POLD3: variants seen among roughly 807,000 people sequenced by gnomAD.
POLD3 encodes DNA polymerase delta 3, accessory subunit.
In POLD3, 19 loss-of-function variants were observed where a neutral mutation model predicts 58.2. The ratio of observed to expected loss-of-function variants is 0.33; its 90% CI spans 0.23 to 0.48. The LOEUF (loss-of-function observed/expected upper bound fraction) is 0.48. Ranked by LOEUF, POLD3 falls within the 20% of genes least tolerant of loss-of-function variation. POLD3 has a pLI of 0.99. For missense variants in POLD3, 504 were observed against 545.5 expected, an observed-to-expected ratio of 0.92 and a Z score of 0.76; for synonymous variants, 172 against 193.5, an observed-to-expected ratio of 0.89 and a Z score of 0.92.
chr11:74,666,948 T>G (rs2033276267), intron 4 of POLD3, among the ~76,000 whole-genome samples: 1 of 129,892 alleles, frequency 7.7e-6, no homozygotes, highest in African/African-American at 2.8e-5. Context: ...GCAATTGATG[T>G]TTAAAGTTGC....
intron 4 of POLD3, among the ~76,000 whole-genome samples, chr11:74,664,018 C>T (rs924728197): frequency 6.6e-6 from 1 of 152,060 alleles, no homozygotes; most frequent in African/African-American, 2.4e-5. Context: ...ATACCAATGG[C>T]CAATAAGCAC....
chr11:74,604,341 T>C (rs1325315948), intron 2 of POLD3, among the ~76,000 whole-genome samples: 1 of 152,212 alleles, frequency 6.6e-6, no homozygotes, highest in Admixed American at 6.5e-5. Context: ...AATTAACTTA[T>C]CCAGAGCTTA....
At position 74,640,832 on chromosome 11, in the gene POLD3, CACTT is replaced by C; in HGVS notation, c.*70_*73del. ...GGAGAAGACCAAGAAATGTACTCCT[CACTT>C]ACTATGTAAGTTCATCTAGATCTCC... On this transcript the variant is annotated 3_prime_UTR_variant, in exon 12 of 12. Transcript: ENST00000263681. The C allele has an allele frequency of 4.2e-6, 6 of 1,417,392 alleles. No homozygotes were observed. Among genetic ancestry groups the C allele is most frequent in the Non-Finnish European group, 5.5e-6 (6 of 1,082,156 alleles). 87.8% of individuals were successfully genotyped at this position (1,417,392 alleles called of 1,614,324 possible).
rs186594080 is a variant in POLD3, at chr11:74,600,974, C to T, written c.117-3718C>T. 1.6e-3 allele frequency among the ~76,000 whole-genome samples: 245 copies of T among 152,192 alleles called. 2 individuals carry two copies. The highest frequency in any genetic ancestry group is 3.4e-3 in the Middle Eastern group (1 of 294). ...CCTCAGGTGATCTGCCTGCCTTGGC[C>T]TCCCAAAGTGCTGGGATTACAGGTG... On this transcript the variant is annotated intron_variant, in intron 2 of 11. Coordinates refer to ENST00000263681, the MANE Select transcript of POLD3 (RefSeq NM_006591.3).
intron 4 of POLD3, among the ~76,000 whole-genome samples, chr11:74,668,587 A>G (rs1326436601): frequency 1.3e-5 from 2 of 152,190 alleles, no homozygotes; most frequent in Non-Finnish European, 2.9e-5. Flanking sequence ...TACAGGGCCA[A>G]CTGGATTTAG....
intron 2 of POLD3, among the ~76,000 whole-genome samples, chr11:74,598,080 G>A (rs2031342016): frequency 6.6e-6 from 1 of 152,008 alleles, no homozygotes; most frequent in African/African-American, 2.4e-5. Context: ...AAGAGAAAGA[G>A]AGGAGAGAGA....
chr11:74,642,199 A>G lies in POLD3; in HGVS notation c.*1433A>G. 2.0e-6 allele frequency: 2 copies of G among 985,490 alleles called. No homozygotes were observed. The highest frequency in any genetic ancestry group is 4.7e-5 in the South Asian group (1 of 21,282). 61.0% of individuals were successfully genotyped at this position (985,490 alleles called of 1,614,324 possible). ...TTAACATGAGCTTCTTTAGCAACCA[A>G]GCATGAACTTGATTAAGACCAGAAG... On this transcript the variant is annotated 3_prime_UTR_variant, in exon 12 of 12. Transcript: ENST00000263681.
chr11:74,616,735 G>T (rs1219361496), intron 5 of POLD3, among the ~76,000 whole-genome samples: 1 of 152,152 alleles, frequency 6.6e-6, no homozygotes, highest in Non-Finnish European at 1.5e-5. Flanking sequence ...TAGCTTTGGG[G>T]CTGCCCAGTC....
chr11:74,656,541 C>A (rs1209683900), intron 4 of POLD3, among the ~76,000 whole-genome samples: 1 of 151,966 alleles, frequency 6.6e-6, no homozygotes. Context: ...GAGCCAAGAT[C>A]ACACCATTGC....
chr11:74,658,076 T>C (rs2033159691), intron 4 of POLD3, among the ~76,000 whole-genome samples: 1 of 152,172 alleles, frequency 6.6e-6, no homozygotes, highest in Non-Finnish European at 1.5e-5. Context: ...ATGCTGCTGA[T>C]AAAGACATAC....
At chr11:74,597,367 C>T (rs530567462) in intron 2 of POLD3, among the ~76,000 whole-genome samples, 6 of 152,252 alleles carry the variant, frequency 3.9e-5, no homozygotes, top group Admixed American at 3.9e-4. Context: ...TTAGTTTTTG[C>T]ACTTATATTT....
chr11:74,594,159 T>G (rs1483457514), intron 2 of POLD3, 43 bp downstream of exon 2: 10 of 1,250,980 alleles, frequency 8.0e-6, no homozygotes, highest in East Asian at 4.6e-5. Flanking sequence ...TTGGAATTTT[T>G]TTTTGTTTTG....
chr11:74,656,160 A>G (rs2033131062), intron 4 of POLD3, among the ~76,000 whole-genome samples: 1 of 152,258 alleles, frequency 6.6e-6, no homozygotes, highest in Non-Finnish European at 1.5e-5. Flanking sequence ...TAAAACAGTG[A>G]TGACAAAAAC....
Position 74,628,577 on chromosome 11 carries a change from T to G in POLD3, c.900-640T>G, listed in dbSNP as rs549782680. ...TATCCATTCATCCAGAGGAGCTAAATAATGTCATGATGGAGTCTAGGATTT... is the reference window on the plus strand; with the variant it reads ...TATCCATTCATCCAGAGGAGCTAAAGAATGTCATGATGGAGTCTAGGATTT... On this transcript the variant is annotated intron_variant, in intron 8 of 11. Coordinates refer to ENST00000263681, the MANE Select transcript of POLD3 (RefSeq NM_006591.3). Among the ~76,000 whole-genome samples the G allele has an allele frequency of 1.2e-3, 176 of 152,290 alleles. 1 individual carries two copies. The highest frequency in any genetic ancestry group is 5.4e-3 in the South Asian group (26 of 4,830).
intron 2 of POLD3, among the ~76,000 whole-genome samples, chr11:74,599,012 A>G (rs2031383236): frequency 6.6e-6 from 1 of 152,210 alleles, no homozygotes; most frequent in Admixed American, 6.5e-5. Flanking sequence ...GCCAATACAT[A>G]CTGAATGAAT....
chr11:74,631,695 G>A (rs902898294), intron 9 of POLD3, among the ~76,000 whole-genome samples: 1 of 152,062 alleles, frequency 6.6e-6, no homozygotes, highest in Non-Finnish European at 1.5e-5. Flanking sequence ...TGTTGGCCAC[G>A]CTGGTCTTGA....
rs544811937 is a variant in POLD3, at chr11:74,664,187, G to A, written c.370-4590G>A. 1.7e-4 allele frequency among the ~76,000 whole-genome samples: 26 copies of A among 152,260 alleles called. 1 individual carries two copies. In the South Asian group the frequency reaches 5.4e-3, roughly 32 times the overall value. ...GCAAAAGTCTCATACGTTGCTGGTA[G>A]GAGTGACACAACCACTTTGAAAATT... is the stretch of plus-strand genomic sequence containing the variant. On this transcript the variant is annotated intron_variant, in intron 4 of 4. Transcript: ENST00000524752.
chr11:74,623,016 A>T (rs1454970053), intron 7 of POLD3, among the ~76,000 whole-genome samples: 1 of 152,220 alleles, frequency 6.6e-6, no homozygotes, highest in African/African-American at 2.4e-5. Flanking sequence ...AAAGTAATGA[A>T]GTACAGATGG....
chr11:74,642,247 T>G lies in POLD3; in HGVS notation c.*1481T>G. 1 of 985,360 alleles carries G rather than the reference T, an allele frequency of 1.0e-6. No homozygotes were observed. Among genetic ancestry groups the G allele is most frequent in the Non-Finnish European group, 1.2e-6 (1 of 829,878 alleles). The allele number at this position is 985,360 out of a possible 1,614,324, so 61.0% of individuals were successfully genotyped here. ...AAGTTTGGGAGATGAGTCCTGGCATTATGTCTAGGACTAAAGCAGTGGCTT... is the reference window on the plus strand; with the variant it reads ...AAGTTTGGGAGATGAGTCCTGGCATGATGTCTAGGACTAAAGCAGTGGCTT... On this transcript the variant is annotated 3_prime_UTR_variant, in exon 12 of 12. Transcript: ENST00000263681.
Sources: allele counts gnomAD v4.1 joint callset (sites outside exome capture counted in the v4.1 genomes callset), GRCh38; gene constraint gnomAD v4.1.1; transcripts MANE v1.5; gene names NCBI Gene and HGNC (gene_info 2026-07-23, HGNC 2026-07-21).